RSBN1L: variants seen among roughly 807,000 people sequenced by gnomAD.
RSBN1L encodes lysine-specific demethylase RSBN1L.
RSBN1L carries 30 observed loss-of-function variants against 67.7 expected under a neutral mutation model. The ratio of observed to expected loss-of-function variants is 0.44; its 90% CI spans 0.33 to 0.60. The LOEUF is 0.60. Among genes scored for constraint, RSBN1L ranks in the 20% least tolerant of loss-of-function variants. The pLI, the probability that RSBN1L is intolerant of heterozygous loss-of-function variation, is 0.02. For synonymous variants in RSBN1L, 433 were observed against 387.0 expected (o/e 1.12, Z -1.39); for missense variants, 992 against 1,031.7 (o/e 0.96, Z 0.53).
chr7:77,734,318 C>T (rs985775746), intron 1 of RSBN1L, among the ~76,000 whole-genome samples: 17 of 151,682 alleles, frequency 1.1e-4, no homozygotes, highest in Non-Finnish European at 2.5e-4. Context: ...TAAAATAATA[C>T]GTTTAAGTTG....
intron 1 of RSBN1L, among the ~76,000 whole-genome samples, chr7:77,700,256 A>T (rs989072384): frequency 6.6e-6 from 1 of 152,186 alleles, no homozygotes; most frequent in African/African-American, 2.4e-5. Context: ...CAAAATTTAG[A>T]ATTATTTTAT....
rs187944943 is a variant in RSBN1L at position 77,773,011 on chromosome 7, T to C, written c.1626-136T>C. ...GGTATCGTATTTGTGTTTTTGTTTGTTCGTGTTCATTTTAAAGATAGAATT... is the reference window on the plus strand; with the variant it reads ...GGTATCGTATTTGTGTTTTTGTTTGCTCGTGTTCATTTTAAAGATAGAATT... On this transcript the variant is annotated intron_variant, in intron 5 of 7. Transcript: ENST00000334955. 1.7e-5 allele frequency: 9 copies of C among 518,498 alleles called. No individual in the cohort carries two copies. The East Asian group carries it at 2.4e-4, about 14-fold the overall frequency. 32.1% of individuals were successfully genotyped at this position (518,498 alleles called of 1,614,324 possible).
chr7:77,722,164 TAGAA>T (rs1259594594), intron 1 of RSBN1L, among the ~76,000 whole-genome samples: 3 of 152,110 alleles, frequency 2.0e-5, no homozygotes, highest in Admixed American at 6.6e-5. Context: ...TTTTTTATAT[TAGAA>T]AGATGATATT....
chr7:77,740,424 G>C (rs1401801819), intron 2 of RSBN1L, among the ~76,000 whole-genome samples: 3 of 152,174 alleles, frequency 2.0e-5, no homozygotes, highest in Admixed American at 1.3e-4. Context: ...AGAAGCCAGT[G>C]TCCAAGGTGA....
chr7:77,718,465 A>AT (rs370007955), intron 1 of RSBN1L, among the ~76,000 whole-genome samples: 2 of 151,774 alleles, frequency 1.3e-5, no homozygotes, highest in African/African-American at 2.4e-5. Context: ...ATTTTTTTGT[A>AT]TTTTTTATAG....
chr7:77,766,520 C>CT (rs750812101), intron 4 of RSBN1L, among the ~76,000 whole-genome samples: 4,812 of 143,988 alleles, frequency 0.033, 262 homozygotes, highest in African/African-American at 0.11. Flanking sequence ...AGCCAGATTC[C>CT]TTTTTTTTTT....
At chr7:77,763,853 G>A (rs75957284) in intron 3 of RSBN1L, among the ~76,000 whole-genome samples, 1 of 152,200 alleles carries the variant, frequency 6.6e-6, no homozygotes, top group Non-Finnish European at 1.5e-5. Context: ...TAACTTGTAG[G>A]AATGGTTTGT....
intron 1 of RSBN1L, among the ~76,000 whole-genome samples, chr7:77,717,596 C>T (rs766084542): frequency 2.8e-4 from 42 of 152,104 alleles, no homozygotes; most frequent in Non-Finnish European, 5.1e-4. Flanking sequence ...ATGGCAAAAT[C>T]GATAAATACA....
At position 77,722,670 on chromosome 7, in the gene RSBN1L, T is replaced by A. The variant is rs541285957; in HGVS notation, c.587-13740T>A. Among the ~76,000 whole-genome samples the A allele has an allele frequency of 3.3e-5, 5 of 152,216 alleles. No individual in the cohort carries two copies. The South Asian group carries it at 1.0e-3, about 32-fold the overall frequency. Reference sequence around the variant, plus strand: ...ATTTTGTAATGTAACTGCTTTTCCTTCTGCTTCAAATTCTTTACATTTCTC... The same window carrying A: ...ATTTTGTAATGTAACTGCTTTTCCTACTGCTTCAAATTCTTTACATTTCTC... On this transcript the variant is annotated intron_variant, in intron 1 of 7. Coordinates refer to ENST00000334955, the MANE Select transcript of RSBN1L (RefSeq NM_198467.3).
At chr7:77,735,587 A>G (rs1465327616) in intron 1 of RSBN1L, among the ~76,000 whole-genome samples, 1 of 152,194 alleles carries the variant, frequency 6.6e-6, no homozygotes. Flanking sequence ...TGTATACTAT[A>G]TAATCTCTAC....
Position 77,773,013 on chromosome 7 carries a change from C to T in RSBN1L, c.1626-134C>T, listed in dbSNP as rs935213475. ...TATCGTATTTGTGTTTTTGTTTGTT[C>T]GTGTTCATTTTAAAGATAGAATTTG... On this transcript the variant is annotated intron_variant, in intron 5 of 7. Transcript: ENST00000334955. 6.6e-5 allele frequency: 34 copies of T among 515,050 alleles called. 1 individual carries two copies. The highest frequency in any genetic ancestry group is 5.6e-4 in the Admixed American group (16 of 28,510). 31.9% of individuals were successfully genotyped at this position (515,050 alleles called of 1,614,324 possible).
At position 77,696,460 on chromosome 7, in the gene RSBN1L, G is replaced by A; in HGVS notation, c.-10G>A. On this transcript the variant is annotated 5_prime_UTR_variant, in exon 1 of 8. Coordinates refer to ENST00000334955, the MANE Select transcript of RSBN1L (RefSeq NM_198467.3). ...CTAGCGGAGGAGAGTAAATACAACA[G>A]GAGCGCAAAATGGCGGAACCGCCGA... is the stretch of plus-strand genomic sequence containing the variant. The A allele has an allele frequency of 6.3e-7, 1 of 1,599,824 alleles. No homozygotes were observed. Among genetic ancestry groups the A allele is most frequent in the Non-Finnish European group, 8.5e-7 (1 of 1,172,556 alleles).
At chr7:77,748,139 C>T (rs1294304062) in intron 2 of RSBN1L, among the ~76,000 whole-genome samples, 1 of 151,966 alleles carries the variant, frequency 6.6e-6, no homozygotes, top group Non-Finnish European at 1.5e-5. Context: ...ACATTGAGAG[C>T]TCTTGAAAGC....
intron 1 of RSBN1L, among the ~76,000 whole-genome samples, chr7:77,729,580 T>C (rs1310179875): frequency 1.3e-5 from 2 of 152,212 alleles, no homozygotes; most frequent in Non-Finnish European, 2.9e-5. Context: ...GAGATACATA[T>C]TACACTGAAG....
intron 2 of RSBN1L, among the ~76,000 whole-genome samples, chr7:77,738,058 T>C (rs1186058826): frequency 6.6e-6 from 1 of 151,934 alleles, no homozygotes; most frequent in African/African-American, 2.4e-5. Context: ...TCAAGTCTAC[T>C]TAACTTTACC....
intron 1 of RSBN1L, among the ~76,000 whole-genome samples, chr7:77,706,239 G>T (rs1790890204): frequency 1.3e-5 from 2 of 151,940 alleles, no homozygotes; most frequent in African/African-American, 4.8e-5. Context: ...ACTACGTTGG[G>T]CTAATTTTTT....
chr7:77,732,524 G>C (rs1336718898), intron 1 of RSBN1L, among the ~76,000 whole-genome samples: 1 of 152,052 alleles, frequency 6.6e-6, no homozygotes, highest in Non-Finnish European at 1.5e-5. Flanking sequence ...AGTAGAGATG[G>C]GGTTTCACTG....
At chr7:77,770,429 T>G (rs1275563687) in intron 5 of RSBN1L, among the ~76,000 whole-genome samples, 1 of 151,994 alleles carries the variant, frequency 6.6e-6, no homozygotes, top group East Asian at 1.9e-4. Flanking sequence ...CATGTAATCC[T>G]AGCACTTTGG....
At chr7:77,748,595 C>T (rs527862399) in intron 2 of RSBN1L, among the ~76,000 whole-genome samples, 5 of 152,212 alleles carry the variant, frequency 3.3e-5, no homozygotes, top group East Asian at 1.9e-4. Flanking sequence ...AGCAATTCTC[C>T]TGCCTCAGCC....
Sources: gnomAD v4.1 joint callset for allele counts (sites outside exome capture counted in the v4.1 genomes callset) on GRCh38, gnomAD v4.1.1 for gene constraint, MANE v1.5 for transcripts, NCBI Gene and HGNC (gene_info 2026-07-23, HGNC 2026-07-21) for gene names.